DSC1: variants seen among roughly 807,000 people sequenced by gnomAD.
DSC1 encodes desmocollin 1.
DSC1 carries 79 observed loss-of-function variants against 98.8 expected under a neutral mutation model. The ratio of observed to expected loss-of-function variants is 0.80; its 90% CI spans 0.67 to 0.96. DSC1 has a LOEUF of 0.96. DSC1 is among the 50% of genes least tolerant of loss of function. The pLI, the probability that DSC1 is intolerant of heterozygous loss-of-function variation, is 0.00. For missense variants in DSC1, 1,115 were observed against 1,075.9 expected (o/e 1.04, Z -0.51); for synonymous variants, 405 against 372.1 (o/e 1.09, Z -1.02).
rs1598634986 is a variant in DSC1, at chr18:31,162,537, G to T, written c.58C>A (p.Leu20Ile). Residue 20 changes from leucine to isoleucine, a missense_variant, in exon 1 of 16, where the codon CTC becomes ATC. Leu to Ile is a conservative substitution (Grantham distance 5, BLOSUM62 2). Transcript: ENST00000257198. ...SIFCKQLLFS[L>I]LVLTLLCDAC... ...ATCCTTTGGTTGTTACTCACCAGGAGAGAGAAAAGGAGCTGCTTACAGAAG... is the reference window on the plus strand; with the variant it reads ...ATCCTTTGGTTGTTACTCACCAGGATAGAGAAAAGGAGCTGCTTACAGAAG... 6.2e-7 allele frequency: 1 copy of T among 1,614,124 alleles called. No homozygotes were observed. The highest frequency in any genetic ancestry group is 1.6e-4 in the Middle Eastern group (1 of 6,062).
At chr18:31,132,359 G>T in intron 14 of DSC1, 1 of 527,166 alleles carries the variant, frequency 1.9e-6, no homozygotes, top group Non-Finnish European at 3.2e-6. Flanking sequence ...ATACTTGTCT[G>T]TTGTTTAAGT....
rs1398104974 is a variant in DSC1 at position 31,154,805 on chromosome 18, C to A, written c.596G>T (p.Ser199Ile). ...CTGTTCATATTTCTCACGGTCAATG[C>A]TCCTTGTACAAAAGATATCCCCAGT... Reference protein sequence around the residue: ...KDTGDIFCTRSIDREKYEQFA... With the variant: ...KDTGDIFCTRIIDREKYEQFA... The change falls in exon 5 of 16, where the codon AGC (serine) becomes ATC (isoleucine). Residue 199 changes from serine to isoleucine, a missense_variant. By Grantham distance (142) the Ser-to-Ile change is moderately radical. Coordinates refer to ENST00000257198, the MANE Select transcript of DSC1 (RefSeq NM_024421.2). 1.9e-6 allele frequency: 3 copies of A among 1,613,632 alleles called. No individual in the cohort carries two copies. The highest frequency in any genetic ancestry group is 2.5e-6 in the Non-Finnish European group (3 of 1,179,794).
At chr18:31,145,463 C>A (rs1015679164) in intron 7 of DSC1, 148 bp downstream of exon 7, 6 of 741,386 alleles carry the variant, frequency 8.1e-6, no homozygotes, top group Non-Finnish European at 1.3e-5. Flanking sequence ...CTCTAAGGAC[C>A]GAGGACATCT....
At chr18:31,145,567 T>C in intron 7 of DSC1, 44 bp downstream of exon 7, 1 of 1,605,010 alleles carries the variant, frequency 6.2e-7, no homozygotes, top group African/African-American at 1.3e-5. Flanking sequence ...CATTCTCAGT[T>C]TAAATGTAGT....
chr18:31,147,960 C>T (rs998689300), intron 6 of DSC1, among the ~76,000 whole-genome samples: 4 of 142,970 alleles, frequency 2.8e-5, no homozygotes, highest in African/African-American at 1.0e-4. Flanking sequence ...TTTTAAAAAA[C>T]CACTGAATGA....
rs1174964598 is a variant in DSC1, at chr18:31,131,600, A to T, written c.2481T>A (p.Leu827=). 1 of 1,613,932 alleles carries T rather than the reference A, an allele frequency of 6.2e-7. No individual in the cohort carries two copies. Among genetic ancestry groups the T allele is most frequent in the African/African-American group, 1.3e-5 (1 of 74,928 alleles). The stretch of plus-strand genomic sequence containing the variant: ...CAAAGACAGTGGAACTTACTTCGCC[A>T]AGCCGAGGTTGGGTGAAACTCTGCC... The part of the protein sequence containing the change: ...TDWQSFTQPR[L]GEKVYLCGQD... The change falls in exon 15 of 16, where the codon CTT becomes CTA. Residue 827 remains leucine, a synonymous_variant. Transcript: ENST00000257198.
intron 11 of DSC1, among the ~76,000 whole-genome samples, chr18:31,138,034 C>T (rs1403942391): frequency 6.7e-6 from 1 of 148,354 alleles, no homozygotes; most frequent in South Asian, 2.1e-4. Context: ...GAAACAAAAT[C>T]CATCATATCA....
rs1161189012 is a variant in DSC1, at chr18:31,136,133, TTTG to T, written c.1664-1352_1664-1350del. ...CAGAAATAAAAGAGAGATATAGCTA[TTTG>T]TTGAAGAAATTTGCAATAGCATATA... On this transcript the variant is annotated intron_variant, in intron 11 of 15. Transcript: ENST00000257198. Among the ~76,000 whole-genome samples the T allele has an allele frequency of 2.6e-5, 4 of 152,106 alleles. No individual in the cohort carries two copies. The East Asian group carries it at 7.7e-4, about 29-fold the overall frequency.
chr18:31,157,803 A>G (rs552821481), intron 2 of DSC1, among the ~76,000 whole-genome samples: 54 of 152,280 alleles, frequency 3.5e-4, no homozygotes, highest in East Asian at 2.9e-3. Context: ...GAGAAATAAA[A>G]TATTTTCCTA....
Position 31,161,390 on chromosome 18 carries a change from A to G in DSC1, c.63+1142T>C, listed in dbSNP as rs546569919. The stretch of plus-strand genomic sequence containing the variant: ...AATGTACATATATATATATAAATAT[A>G]TGAGACATTCTTATAGTTATATCCA... On this transcript the variant is annotated intron_variant, in intron 1 of 15. Transcript: ENST00000257198. Among the ~76,000 whole-genome samples, 5 of 151,910 alleles carry G rather than the reference A, an allele frequency of 3.3e-5. No homozygotes were observed. In the East Asian group the frequency reaches 9.7e-4, roughly 29 times the overall value.
Position 31,131,759 on chromosome 18 carries a change from G to C in DSC1, c.2322C>G (p.Ile774Met), listed in dbSNP as rs1249099696. The C allele has an allele frequency of 3.1e-6, 5 of 1,614,052 alleles. No individual in the cohort carries two copies. Among genetic ancestry groups the C allele is most frequent in the Non-Finnish European group, 3.4e-6 (4 of 1,179,968 alleles). The change falls in exon 15 of 16, where the codon ATC becomes ATG. Residue 774 changes from isoleucine to methionine, a missense_variant. Transcript: ENST00000257198. ...CCATCTCAAAACTTTGCTGTGTTTT[G>C]ATTCCCTGGCCACCAACAGTACCAA... ...MSVGTVGGQG[I>M]KTQQSFEMVK... is the part of the protein sequence containing the mutation.
intron 11 of DSC1, among the ~76,000 whole-genome samples, chr18:31,137,386 G>A (rs1325899705): frequency 6.6e-6 from 1 of 152,080 alleles, no homozygotes; most frequent in Non-Finnish European, 1.5e-5. Context: ...ATTAAAATCA[G>A]TTTTCCCAAG....
chr18:31,137,197 C>T (rs1598615252), intron 11 of DSC1, among the ~76,000 whole-genome samples: 3 of 152,140 alleles, frequency 2.0e-5, no homozygotes, highest in Admixed American at 2.0e-4. Flanking sequence ...AATTATTAAG[C>T]TACAATATGC....
intron 1 of DSC1, among the ~76,000 whole-genome samples, chr18:31,160,170 C>T (rs1672711802): frequency 6.6e-6 from 1 of 151,678 alleles, no homozygotes; most frequent in South Asian, 2.1e-4. Flanking sequence ...AATTCAAGGC[C>T]CAGCTATTGT....
intron 5 of DSC1, among the ~76,000 whole-genome samples, chr18:31,153,423 G>C (rs1193355689): frequency 6.6e-6 from 1 of 152,092 alleles, no homozygotes; most frequent in Non-Finnish European, 1.5e-5. Flanking sequence ...TAAGAACTTG[G>C]ATACACTATT....
intron 7 of DSC1, among the ~76,000 whole-genome samples, chr18:31,144,537 T>C (rs566634094): frequency 5.3e-5 from 8 of 152,320 alleles, no homozygotes; most frequent in South Asian, 4.1e-4. Flanking sequence ...TTCAACTATA[T>C]GACATTCTAA....
intron 11 of DSC1, among the ~76,000 whole-genome samples, chr18:31,136,631 A>G (rs754634713): frequency 1.3e-5 from 2 of 152,200 alleles, no homozygotes; most frequent in African/African-American, 2.4e-5. Context: ...AAAACAGAAG[A>G]ATTGTCTTGG....
intron 6 of DSC1, among the ~76,000 whole-genome samples, chr18:31,146,212 G>A (rs1354300966): frequency 6.6e-6 from 1 of 152,022 alleles, no homozygotes; most frequent in Non-Finnish European, 1.5e-5. Flanking sequence ...TACCGAATAC[G>A]TAGTTTTCAG....
intron 5 of DSC1, among the ~76,000 whole-genome samples, chr18:31,149,079 C>G (rs1461910144): frequency 6.6e-6 from 1 of 152,110 alleles, no homozygotes; most frequent in African/African-American, 2.4e-5. Flanking sequence ...TATATTTTCT[C>G]ATTTTTCTAT....
Sources: gnomAD v4.1 joint callset for allele counts (sites outside exome capture counted in the v4.1 genomes callset) on GRCh38, gnomAD v4.1.1 for gene constraint, MANE v1.5 for transcripts, NCBI Gene and HGNC (gene_info 2026-07-23, HGNC 2026-07-21) for gene names.